SLC37A3: variants seen among roughly 807,000 people sequenced by gnomAD.
SLC37A3 encodes sugar phosphate exchanger 3.
In SLC37A3, 51 loss-of-function variants were observed where a neutral mutation model predicts 67.1. The ratio of observed to expected loss-of-function variants is 0.76; its 90% confidence interval spans 0.61 to 0.96. The LOEUF (loss-of-function observed/expected upper bound fraction) is 0.96. Ranked by LOEUF, SLC37A3 falls within the 40% of genes least tolerant of loss-of-function variation. SLC37A3 has a pLI of 0.00. For synonymous variants in SLC37A3, 214 were observed against 231.4 expected (o/e 0.92, Z 0.68); for missense variants, 508 against 603.0 (o/e 0.84, Z 1.65).
chr7:140,365,698 G>A (rs1176094057), intron 4 of SLC37A3, among the ~76,000 whole-genome samples: 1 of 152,064 alleles, frequency 6.6e-6, no homozygotes, highest in Non-Finnish European at 1.5e-5. Flanking sequence ...TCCAGCCTGG[G>A]CGATAGAGTG....
In SLC37A3 at chr7:140,345,265, T is replaced by TATACCC; in HGVS notation, c.1127-3_1127-2insGGGTAT. On this transcript the variant is annotated splice_polypyrimidine_tract_variant and splice_region_variant and intron_variant, in intron 11 of 14. Coordinates refer to ENST00000326232, the MANE Select transcript of SLC37A3 (RefSeq NM_207113.3). ...TGATGGACTTATCATTTGGAGAACC[T>TATACCC]GTGAGGGAAGACACAGACAAACCAT... is the stretch of plus-strand genomic sequence containing the variant. 53 of 1,613,500 alleles carry TATACCC rather than the reference T, an allele frequency of 3.3e-5. No homozygotes were observed. Among genetic ancestry groups the TATACCC allele is most frequent in the Middle Eastern group, 1.7e-4 (1 of 6,060 alleles).
chr7:140,356,191 C>T (rs1251060703), intron 6 of SLC37A3, among the ~76,000 whole-genome samples: 3 of 126,238 alleles, frequency 2.4e-5, no homozygotes, highest in Non-Finnish European at 3.6e-5. Context: ...GAGACTCCAC[C>T]TCCCAAAAAA....
intron 10 of SLC37A3, among the ~76,000 whole-genome samples, chr7:140,347,863 G>A (rs1272112125): frequency 2.6e-5 from 4 of 151,442 alleles, no homozygotes; most frequent in East Asian, 3.9e-4. Context: ...ATGATCTGAC[G>A]ACCTACACAC....
intron 5 of SLC37A3, among the ~76,000 whole-genome samples, chr7:140,361,025 C>T (rs1047445027): frequency 3.9e-5 from 6 of 152,014 alleles, no homozygotes; most frequent in African/African-American, 1.2e-4. Context: ...GTTTCAAGTG[C>T]CTGCAAAGAA....
rs1043751254 is a variant in SLC37A3 at position 140,343,672 on chromosome 7, T to C, written c.1175-109A>G. The C allele has an allele frequency of 2.5e-4, 309 of 1,228,258 alleles. 2 individuals are homozygous for C. The highest frequency in any genetic ancestry group is 3.3e-4 in the Non-Finnish European group (294 of 892,948). The allele number at this position is 1,228,258 out of a possible 1,614,324, so 76.1% of individuals were successfully genotyped here. A position where few individuals can be genotyped will look rare whatever the true frequency, so the allele number is the denominator to read the frequency against. ...GTTTTCTTAATATGTTGGAGAGAAG[T>C]GGAAAAAAAAGGAAACCCCCAGATA... On this transcript the variant is annotated intron_variant, in intron 12 of 14. Transcript: ENST00000326232.
At position 140,355,730 on chromosome 7, in the gene SLC37A3, C is replaced by A. The variant is rs1796998775; in HGVS notation, c.556G>T (p.Ala186Ser). 6.2e-7 allele frequency: 1 copy of A among 1,613,782 alleles called. No individual in the cohort carries two copies. Among genetic ancestry groups the A allele is most frequent in the Admixed American group, 1.7e-5 (1 of 59,964 alleles). Reference protein sequence around the residue: ...GVVFGLWSACASVGNILGACL... With the variant: ...GVVFGLWSACSSVGNILGACL... ...GCTCCCAAAATGTTGCCCACCGAAG[C>A]ACAGGCACTCCAGAGACCAAAAACA... The change falls in exon 7 of 15, where the codon GCT becomes TCT. Residue 186 changes from alanine (A) to serine (S), a missense_variant. Coordinates refer to ENST00000326232, the MANE Select transcript of SLC37A3 (RefSeq NM_207113.3).
intron 9 of SLC37A3, 46 bp from the exon 10 acceptor site, chr7:140,348,813 C>T: frequency 6.3e-7 from 1 of 1,593,952 alleles, no homozygotes; most frequent in Admixed American, 1.9e-5. Flanking sequence ...AATAGCACAG[C>T]ACGACTACCA....
chr7:140,338,913 C>T (rs1362087437), intron 13 of SLC37A3, among the ~76,000 whole-genome samples: 1 of 151,488 alleles, frequency 6.6e-6, no homozygotes, highest in Non-Finnish European at 1.5e-5. Flanking sequence ...TGCCACCCCC[C>T]GCCCAGCTAA....
At chr7:140,344,503 C>T (rs1366096375) in intron 12 of SLC37A3, among the ~76,000 whole-genome samples, 1 of 151,970 alleles carries the variant, frequency 6.6e-6, no homozygotes, top group Non-Finnish European at 1.5e-5. Context: ...CGCCTGTAAT[C>T]CCAGCATTTT....
chr7:140,352,219 T>TGG, intron 7 of SLC37A3, 73 bp from the exon 8 acceptor site: 1 of 174,682 alleles, frequency 5.7e-6, no homozygotes, highest in Non-Finnish European at 8.6e-6. Flanking sequence ...ATTAAAGGTG[T>TGG]GTGGGGGAAG....
At chr7:140,351,198 G>A in intron 9 of SLC37A3, 75 bp downstream of exon 9, 1 of 1,425,468 alleles carries the variant, frequency 7.0e-7, no homozygotes, top group Non-Finnish European at 9.6e-7. Context: ...ACTTAAGGAA[G>A]CTTTATCTCA....
At position 140,364,457 on chromosome 7, in the gene SLC37A3, A is replaced by C; in HGVS notation, c.326T>G (p.Leu109Trp). The change falls in exon 5 of 15, where the codon TTG becomes TGG. Residue 109 changes from leucine (L) to tryptophan (W), a missense_variant. Transcript: ENST00000326232. ...AAAAGACAGAACCCATCGCAAATTC[A>C]ACCGATCCCCAACGATGCCACTGAT... is the stretch of plus-strand genomic sequence containing the variant. ...LFISGIVGDR[L>W]NLRWVLSFGM... 1 of 1,614,098 alleles carries C rather than the reference A, an allele frequency of 6.2e-7. No homozygotes were observed. Among genetic ancestry groups the C allele is most frequent in the Non-Finnish European group, 8.5e-7 (1 of 1,180,012 alleles).
chr7:140,344,597 A>C (rs1796481816), intron 12 of SLC37A3, among the ~76,000 whole-genome samples: 1 of 152,108 alleles, frequency 6.6e-6, no homozygotes, highest in Non-Finnish European at 1.5e-5. Flanking sequence ...CTCTACTAAA[A>C]ATACAAAAAT....
intron 8 of SLC37A3, 78 bp downstream of exon 8, chr7:140,351,984 A>G: frequency 1.4e-6 from 2 of 1,383,784 alleles, no homozygotes; most frequent in Non-Finnish European, 2.0e-6. Flanking sequence ...GAAAAAAGAG[A>G]TTCGATTTCT....
intron 3 of SLC37A3, among the ~76,000 whole-genome samples, chr7:140,376,190 G>C (rs138426189): frequency 6.6e-6 from 1 of 152,120 alleles, no homozygotes; most frequent in African/African-American, 2.4e-5. Context: ...CTTTTTGACT[G>C]TTGACTTAAA....
chr7:140,380,897 C>CTTCT (rs57748652), intron 2 of SLC37A3, among the ~76,000 whole-genome samples: 44,895 of 125,832 alleles, frequency 0.36, 8,983 homozygotes, highest in Non-Finnish European at 0.45. Flanking sequence ...TCTTCTTCTT[C>CTTCT]TTTTTTTTTT....
intron 4 of SLC37A3, among the ~76,000 whole-genome samples, chr7:140,365,518 CA>C (rs1181925085): frequency 6.6e-6 from 1 of 152,082 alleles, no homozygotes; most frequent in African/African-American, 2.4e-5. Flanking sequence ...GTGAAGAGTT[CA>C]AGACCAGCCT....
At chr7:140,351,766 C>G (rs1471196413) in intron 8 of SLC37A3, 1 of 558,386 alleles carries the variant, frequency 1.8e-6, no homozygotes, top group Non-Finnish European at 3.2e-6. Flanking sequence ...GAAGTGAAAT[C>G]AGAAATACAT....
chr7:140,360,732 T>A (rs1198368259), intron 5 of SLC37A3, among the ~76,000 whole-genome samples: 10 of 137,324 alleles, frequency 7.3e-5, no homozygotes, highest in African/African-American at 2.2e-4. Context: ...AGACTCCGTT[T>A]AAAAAAAAAA....
Sources: allele counts gnomAD v4.1 joint callset (sites outside exome capture counted in the v4.1 genomes callset), GRCh38; gene constraint gnomAD v4.1.1; transcripts MANE v1.5; gene names NCBI Gene and HGNC (gene_info 2026-07-23, HGNC 2026-07-21).